NRG1: variants seen among roughly 807,000 people sequenced by gnomAD.
NRG1 encodes the protein pro-neuregulin-1, membrane-bound isoform.
Under a neutral mutation model 63.8 loss-of-function variants are expected in NRG1, and 18 were observed. That is an observed-to-expected ratio of 0.28 (90% CI 0.19 to 0.42). The LOEUF (loss-of-function observed/expected upper bound fraction) is 0.42, where lower values mean the gene tolerates loss of function less well. NRG1 is among the 10% of genes least tolerant of loss of function. The probability of loss-of-function intolerance (pLI) is 1.00; values close to 1 mark genes in which losing one functional copy is unlikely to be tolerated. For missense variants in NRG1, 762 were observed against 814.7 expected, an observed-to-expected ratio of 0.94 and a Z score of 0.79; for synonymous variants, 302 against 301.3, an observed-to-expected ratio of 1.00 and a Z score of -0.02.
intron 1 of NRG1, among the ~76,000 whole-genome samples, chr8:31,734,557 T>G (rs1475799608): frequency 6.6e-6 from 1 of 152,228 alleles, no homozygotes; most frequent in Non-Finnish European, 1.5e-5. Flanking sequence ...GGAAGCTTTT[T>G]TTTGTTTGTT....
At chr8:31,646,126 C>T (rs550892594) in intron 1 of NRG1, among the ~76,000 whole-genome samples, 99 of 152,320 alleles carry the variant, frequency 6.5e-4, no homozygotes, top group Admixed American at 1.2e-3. Flanking sequence ...CTGATGGAGT[C>T]TTTGTCCATC....
intron 1 of NRG1, among the ~76,000 whole-genome samples, chr8:32,346,061 A>G (rs1804852811): frequency 1.4e-5 from 2 of 147,844 alleles, no homozygotes. Flanking sequence ...TTAATTCTAT[A>G]TTTTATATAT....
In NRG1 at chr8:32,052,379, G is replaced by A. The variant is rs140540484; in HGVS notation, c.37+412948G>A. 8.4e-3 allele frequency among the ~76,000 whole-genome samples: 1,236 copies of A among 146,550 alleles called. 19 individuals are homozygous for A. Among genetic ancestry groups the A allele is most frequent in the African/African-American group, 0.029 (1,175 of 39,858 alleles). On this transcript the variant is annotated intron_variant, in intron 1 of 10. Transcript: ENST00000519301. Reference sequence around the variant, plus strand: ...CAGCCTCAAACTCCTAGGCTCAAGCGATCCTCCCACCTCAGCCAACTGAGT... The same window carrying A: ...CAGCCTCAAACTCCTAGGCTCAAGCAATCCTCCCACCTCAGCCAACTGAGT...
intron 1 of NRG1, among the ~76,000 whole-genome samples, chr8:32,588,087 A>G (rs1170370985): frequency 6.6e-6 from 1 of 151,556 alleles, no homozygotes; most frequent in Non-Finnish European, 1.5e-5. Flanking sequence ...ATGCTTGGCT[A>G]ATTTTTGTAT....
At chr8:32,709,673 A>G (rs558286414) in intron 5 of NRG1, among the ~76,000 whole-genome samples, 6 of 152,180 alleles carry the variant, frequency 3.9e-5, no homozygotes, top group Admixed American at 3.9e-4. Context: ...CTCCTGCCTC[A>G]GCCTCCCAAA....
intron 1 of NRG1, among the ~76,000 whole-genome samples, chr8:32,498,014 G>C (rs1827416093): frequency 6.6e-6 from 1 of 152,002 alleles, no homozygotes; most frequent in African/African-American, 2.4e-5. Flanking sequence ...GTAGAGACTG[G>C]GTTTCTCCAT....
At chr8:32,195,770 G>A (rs1462688629) in intron 1 of NRG1, among the ~76,000 whole-genome samples, 2 of 152,128 alleles carry the variant, frequency 1.3e-5, no homozygotes, top group African/African-American at 2.4e-5. Context: ...TGAAATCCTA[G>A]CGTAGACATT....
At chr8:32,064,671 G>A (rs184501525) in intron 1 of NRG1, among the ~76,000 whole-genome samples, 29 of 152,230 alleles carry the variant, frequency 1.9e-4, no homozygotes, top group African/African-American at 6.7e-4. Context: ...CAGACTGGCC[G>A]AAGCTAATCC....
chr8:32,356,480 C>CCA (rs1806434436), intron 1 of NRG1, among the ~76,000 whole-genome samples: 1 of 127,618 alleles, frequency 7.8e-6, no homozygotes, highest in African/African-American at 3.0e-5. Context: ...TGGGACCCCC[C>CCA]CCCCACCCGC....
chr8:32,638,249 G>A lies in NRG1; in HGVS notation c.502+21364G>A, dbSNP rs1228981116. ...GTAATGGGTGCAGCAAACTAACATG[G>A]CACATGTATACCTGTGTAACAAACC... is the stretch of plus-strand genomic sequence containing the variant. On this transcript the variant is annotated intron_variant, in intron 5 of 11. Transcript: ENST00000356819. 2.0e-5 allele frequency among the ~76,000 whole-genome samples: 3 copies of A among 152,166 alleles called. No homozygotes were observed. In the East Asian group the frequency reaches 5.8e-4, roughly 29 times the overall value.
rs566786297 is a variant in NRG1, at chr8:32,343,729, G to C, written c.38-252099G>C. On this transcript the variant is annotated intron_variant, in intron 1 of 10. Coordinates refer to the NRG1 transcript ENST00000519301. ...TCCCATGAAAGATTTGCTGATCAAA[G>C]ATGTAGAGATTTCTGTTTTATTAGA... Among the ~76,000 whole-genome samples the C allele has an allele frequency of 3.3e-5, 5 of 152,312 alleles. No individual in the cohort carries two copies. The South Asian group carries it at 1.0e-3, about 32-fold the overall frequency.
intron 5 of NRG1, among the ~76,000 whole-genome samples, chr8:32,723,489 G>A (rs1434092171): frequency 6.6e-6 from 1 of 151,718 alleles, no homozygotes; most frequent in Non-Finnish European, 1.5e-5. Context: ...AAACCATCCT[G>A]GCCAACATGG....
chr8:32,695,936 T>A (rs1480345145), intron 5 of NRG1, among the ~76,000 whole-genome samples: 1 of 152,176 alleles, frequency 6.6e-6, no homozygotes, highest in Non-Finnish European at 1.5e-5. Context: ...TCAGCCAGTG[T>A]CTGGATGCTA....
intron 5 of NRG1, among the ~76,000 whole-genome samples, chr8:32,623,858 G>T (rs1848737220): frequency 6.6e-6 from 1 of 152,168 alleles, no homozygotes; most frequent in African/African-American, 2.4e-5. Context: ...GTGGAGGAGA[G>T]AATCTAAAAA....
intron 1 of NRG1, chr8:32,192,209 A>G (rs1842559327): frequency 6.6e-6 from 1 of 152,244 alleles, no homozygotes; most frequent in Non-Finnish European, 1.5e-5. Context: ...CTTAACACAG[A>G]ACAAGCATTC....
chr8:32,548,933 C>G (rs1833533548), intron 1 of NRG1, 107 bp downstream of exon 1: 1 of 1,350,652 alleles, frequency 7.4e-7, no homozygotes, highest in African/African-American at 1.5e-5. Flanking sequence ...CTCGCCCGTC[C>G]TCTTCGCCCT....
chr8:32,547,685 C>T (rs560878858), upstream of NRG1, among the ~76,000 whole-genome samples: 6 of 152,072 alleles, frequency 3.9e-5, no homozygotes, highest in East Asian at 1.2e-3. Flanking sequence ...TTCGCTTAGC[C>T]CTTCCTGTGC....
intron 1 of NRG1, among the ~76,000 whole-genome samples, chr8:31,925,144 G>GTATACA (rs1440242574): frequency 1.6e-4 from 2 of 12,738 alleles, no homozygotes; most frequent in African/African-American, 2.4e-4. Context: ...GTGTGTGTGT[G>GTATACA]TGTATACATA....
intron 1 of NRG1, among the ~76,000 whole-genome samples, chr8:32,314,903 T>G (rs1857213068): frequency 6.6e-6 from 1 of 152,180 alleles, no homozygotes; most frequent in African/African-American, 2.4e-5. Flanking sequence ...TCGGAGCTTC[T>G]GCTCCCTCTG....
Sources: allele counts gnomAD v4.1 joint callset (sites outside exome capture counted in the v4.1 genomes callset), GRCh38; gene constraint gnomAD v4.1.1; transcripts MANE v1.5; gene names NCBI Gene and HGNC (gene_info 2026-07-23, HGNC 2026-07-21).